The following KDM2A variants were observed in gnomAD, a reference collection of about 807,000 sequenced individuals.
KDM2A encodes the protein lysine demethylase 2A.
KDM2A carries 3 observed loss-of-function variants against 137.3 expected under a neutral mutation model. The observed-to-expected ratio is 0.02, with a 90% CI of 0.01 to 0.06. The LOEUF is 0.06. Ranked by LOEUF, KDM2A falls within the 10% of genes least tolerant of loss-of-function variation. The pLI is 1.00. For missense variants in KDM2A, 738 were observed against 1,510.6 expected (o/e 0.49, Z 8.48); for synonymous variants, 512 against 541.5 (o/e 0.95, Z 0.76).
chr11:67,178,651 T>C (rs1054014217), intron 2 of KDM2A, among the ~76,000 whole-genome samples: 31 of 152,224 alleles, frequency 2.0e-4, no homozygotes, highest in Non-Finnish European at 4.4e-4. Context: ...ATGTGGTCTT[T>C]TATGACTGGC....
Position 67,250,909 on chromosome 11 carries a change from G to C in KDM2A, c.2768+111G>C. On this transcript the variant is annotated intron_variant, in intron 17 of 20. Transcript: ENST00000529006. This position sits in a 1 kb window ranked among gnomAD's most constrained non-coding sequence, Gnocchi z 7.1. Reference sequence around the variant, plus strand: ...TCTGAAAGCCTGTGGGGTCTTATGAGGAGTGAATTGACCCTTTTTCCCAAA... The same window carrying C: ...TCTGAAAGCCTGTGGGGTCTTATGACGAGTGAATTGACCCTTTTTCCCAAA... 1 of 809,216 alleles carries C rather than the reference G, an allele frequency of 1.2e-6. No homozygotes were observed. Among genetic ancestry groups the C allele is most frequent in the Non-Finnish European group, 2.0e-6 (1 of 503,632 alleles). 50.1% of individuals were successfully genotyped at this position (809,216 alleles called of 1,614,324 possible). A position where few individuals can be genotyped will look rare whatever the true frequency, so the allele number is the denominator to read the frequency against.
chr11:67,190,910 A>G (rs1288176622), intron 5 of KDM2A, among the ~76,000 whole-genome samples: 2 of 152,334 alleles, frequency 1.3e-5, no homozygotes, highest in Admixed American at 6.5e-5. Flanking sequence ...GAGGAGATTG[A>G]GTCAATATTC....
rs187414056 is a variant in KDM2A, at chr11:67,203,539, C to T, written c.308-3971C>T. Among the ~76,000 whole-genome samples, 93 of 147,114 alleles carry T rather than the reference C, an allele frequency of 6.3e-4. 2 individuals carry two copies. Among genetic ancestry groups the T allele is most frequent in the African/African-American group, 2.1e-3 (86 of 40,364 alleles). On this transcript the variant is annotated intron_variant, in intron 5 of 20. Coordinates refer to ENST00000529006, the MANE Select transcript of KDM2A (RefSeq NM_012308.3). The stretch of plus-strand genomic sequence containing the variant: ...ATAAAATATATAATAAATAAGTAGT[C>T]TAGTAATAAAAGAATACCAGCCTGG...
At chr11:67,150,992 C>A (rs975775587) in intron 2 of KDM2A, among the ~76,000 whole-genome samples, 3 of 151,888 alleles carry the variant, frequency 2.0e-5, no homozygotes, top group Non-Finnish European at 4.4e-5. Context: ...TGTAGTAAAC[C>A]CCCCTTGCAT....
At chr11:67,139,276 G>A (rs11227704) in intron 2 of KDM2A, among the ~76,000 whole-genome samples, 1 of 150,164 alleles carries the variant, frequency 6.7e-6, no homozygotes, top group Non-Finnish European at 1.5e-5. Context: ...ACGGAGTCTC[G>A]CTTTGTCCCC....
chr11:67,172,694 A>G (rs2136327766), intron 2 of KDM2A, among the ~76,000 whole-genome samples: 1 of 151,818 alleles, frequency 6.6e-6, no homozygotes, highest in Admixed American at 6.6e-5. Context: ...TAATTTGTGA[A>G]TAGATGTAGT....
In KDM2A at chr11:67,257,941, G is replaced by C. The variant is rs1428004440; in HGVS notation, c.*2886G>C. ...AGGACATCTTTCCTCTGACACGTGG[G>C]AATGGGTGATATTTGTGTAATAAAA... is the stretch of plus-strand genomic sequence containing the variant. On this transcript the variant is annotated 3_prime_UTR_variant, in exon 21 of 21. Coordinates refer to ENST00000529006, the MANE Select transcript of KDM2A (RefSeq NM_012308.3). 1 of 152,064 alleles carries C rather than the reference G, an allele frequency of 6.6e-6. No individual in the cohort carries two copies. Among genetic ancestry groups the C allele is most frequent in the Admixed American group, 6.5e-5 (1 of 15,272 alleles). The allele number at this position is 152,064 out of a possible 1,614,324, so 9.4% of individuals were successfully genotyped here.
At chr11:67,172,684 T>C (rs1856903887) in intron 2 of KDM2A, among the ~76,000 whole-genome samples, 1 of 151,882 alleles carries the variant, frequency 6.6e-6, no homozygotes, top group Admixed American at 6.6e-5. Flanking sequence ...CAAGATCATG[T>C]AATTTGTGAA....
intron 2 of KDM2A, among the ~76,000 whole-genome samples, chr11:67,143,856 TCTTTA>T (rs1428164785): frequency 6.6e-6 from 1 of 152,056 alleles, no homozygotes; most frequent in Non-Finnish European, 1.5e-5. Flanking sequence ...TGGCTCAAAC[TCTTTA>T]CTTCAAGTGA....
chr11:67,128,708 G>A (rs77988791), intron 2 of KDM2A, among the ~76,000 whole-genome samples: 5,919 of 152,266 alleles, frequency 0.039, 457 homozygotes, highest in Admixed American at 0.18. Flanking sequence ...ATTTTGCTGA[G>A]CATTAATCAC....
intron 2 of KDM2A, among the ~76,000 whole-genome samples, chr11:67,178,645 G>A (rs1857020803): frequency 6.6e-6 from 1 of 151,872 alleles, no homozygotes. Flanking sequence ...TACAATATGT[G>A]GTCTTTTATG....
chr11:67,123,873 C>T (rs1054460689), intron 2 of KDM2A, among the ~76,000 whole-genome samples: 13 of 152,042 alleles, frequency 8.6e-5, no homozygotes, highest in African/African-American at 3.1e-4. Flanking sequence ...GACTGAGTTT[C>T]ACCTTGTTGG....
At chr11:67,226,818 T>G (rs1282066908) in intron 10 of KDM2A, among the ~76,000 whole-genome samples, 1 of 152,170 alleles carries the variant, frequency 6.6e-6, no homozygotes, top group Non-Finnish European at 1.5e-5. Flanking sequence ...TCTTTTATTT[T>G]CTAAAAGGGA....
chr11:67,175,502 G>T (rs1385532871), intron 2 of KDM2A, among the ~76,000 whole-genome samples: 2 of 152,182 alleles, frequency 1.3e-5, no homozygotes, highest in African/African-American at 4.8e-5. Context: ...TAATCAAAAA[G>T]AGATCAGGAA....
Position 67,255,462 on chromosome 11 carries a change from G to A in KDM2A, c.*407G>A, listed in dbSNP as rs1320612552. 2.4e-5 allele frequency: 11 copies of A among 459,640 alleles called. No homozygotes were observed. In the East Asian group the frequency reaches 4.8e-4, roughly 20 times the overall value. 28.5% of individuals were successfully genotyped at this position (459,640 alleles called of 1,614,324 possible). On this transcript the variant is annotated 3_prime_UTR_variant, in exon 21 of 21. Coordinates refer to ENST00000529006, the MANE Select transcript of KDM2A (RefSeq NM_012308.3). ...GAGCAAACTCCCAGGGAAGAAAACG[G>A]CCCTGTCTCCATGGCCAGGTTCTTG...
At chr11:67,174,895 C>T (rs943959861) in intron 2 of KDM2A, among the ~76,000 whole-genome samples, 2 of 152,190 alleles carry the variant, frequency 1.3e-5, no homozygotes, top group Non-Finnish European at 2.9e-5. Flanking sequence ...TCAGTTTATA[C>T]TTGTTACTTA....
At chr11:67,158,267 C>G (rs1293743321) in intron 2 of KDM2A, among the ~76,000 whole-genome samples, 1 of 152,118 alleles carries the variant, frequency 6.6e-6, no homozygotes, top group Admixed American at 6.6e-5. Flanking sequence ...TATCTCATTT[C>G]TTTGTATTGT....
chr11:67,207,585 G>A lies in KDM2A; in HGVS notation c.383G>A (p.Arg128His), dbSNP rs758697579. Residue 128 changes from arginine (R) to histidine (H), a missense_variant, in exon 6 of 21, where the codon CGC becomes CAC. By Grantham distance (29) the Arg-to-His change is conservative. Transcript: ENST00000529006. ...GIEMTMAQWT[R>H]YYETPEEERE... ...GAAATGACCATGGCTCAGTGGACAC[G>A]CTACTATGAGACCCCAGAGGAGGAG... 1 of 1,613,680 alleles carries A rather than the reference G, an allele frequency of 6.2e-7. No individual in the cohort carries two copies. The highest frequency in any genetic ancestry group is 8.5e-7 in the Non-Finnish European group (1 of 1,179,762).
In KDM2A at chr11:67,247,078, T is replaced by TAA. The variant is rs1565424343; in HGVS notation, c.1965+962_1965+963insAA. Among the ~76,000 whole-genome samples, 94 of 77,776 alleles carry TAA rather than the reference T, an allele frequency of 1.2e-3. 1 individual carries two copies. Among genetic ancestry groups the TAA allele is most frequent in the African/African-American group, 5.2e-3 (92 of 17,528 alleles). 51.0% of individuals were successfully genotyped at this position (77,776 alleles called of 152,430 possible). A position where few individuals can be genotyped will look rare whatever the true frequency, so the allele number is the denominator to read the frequency against. ...ATATATATATATATATATATTTTTT[T>TAA]TTTTTTTTTTTTTTTTTTTTTTTTT... On this transcript the variant is annotated intron_variant, in intron 15 of 20. Transcript: ENST00000529006.
Sources: gnomAD v4.1 joint callset for allele counts (sites outside exome capture counted in the v4.1 genomes callset) on GRCh38, gnomAD v4.1.1 for gene constraint, Gnocchi (gnomAD v3.1) non-coding constraint, MANE v1.5 for transcripts, NCBI Gene and HGNC (gene_info 2026-07-23, HGNC 2026-07-21) for gene names.